NAA15: variants seen among roughly 807,000 people sequenced by gnomAD.
NAA15 encodes the protein N-terminal acetyltransferase.
In NAA15, 34 loss-of-function variants were observed where a neutral mutation model predicts 114.0. The ratio of observed to expected loss-of-function variants is 0.30; its 90% CI spans 0.23 to 0.40. The LOEUF is 0.40. Ranked by LOEUF, NAA15 falls within the 10% of genes least tolerant of loss-of-function variation. The probability of loss-of-function intolerance (pLI) is 1.00; values close to 1 mark genes in which losing one functional copy is unlikely to be tolerated. For missense variants in NAA15, 658 were observed against 1,004.5 expected (o/e 0.66, Z 4.66); for synonymous variants, 340 against 338.0 (o/e 1.01, Z -0.06).
intron 14 of NAA15, among the ~76,000 whole-genome samples, chr4:139,365,418 A>G (rs1457888699): frequency 6.6e-6 from 1 of 152,154 alleles, no homozygotes; most frequent in South Asian, 2.1e-4. Context: ...AAGTAGATTT[A>G]CATCCTTGCT....
chr4:139,387,804 T>A, intron 19 of NAA15, 80 bp from the exon 20 acceptor site: 1 of 1,049,494 alleles, frequency 9.5e-7, no homozygotes, highest in Non-Finnish European at 1.4e-6. Flanking sequence ...TAGAAATCTC[T>A]TGCTGTTGAA....
At chr4:139,344,635 C>T (rs1259926105) in intron 6 of NAA15, among the ~76,000 whole-genome samples, 3 of 151,976 alleles carry the variant, frequency 2.0e-5, no homozygotes, top group Non-Finnish European at 4.4e-5. Context: ...GATCAAAACA[C>T]AAGAGACAAT....
chr4:139,321,219 G>GT (rs1438751095), intron 1 of NAA15, among the ~76,000 whole-genome samples: 3 of 151,530 alleles, frequency 2.0e-5, no homozygotes, highest in South Asian at 2.1e-4. Context: ...ATTTGCTCTT[G>GT]TTTTTTCTAA....
At position 139,340,946 on chromosome 4, in the gene NAA15, C is replaced by A. The variant is rs1051263018; in HGVS notation, c.279C>A (p.Asp93Glu). 2 of 1,599,498 alleles carry A rather than the reference C, an allele frequency of 1.3e-6. No homozygotes were observed. Among genetic ancestry groups the A allele is most frequent in the Non-Finnish European group, 1.7e-6 (2 of 1,174,306 alleles). The change falls in exon 4 of 20, where the codon GAC (aspartate) becomes GAA (glutamate). Residue 93 changes from aspartate to glutamate, a missense_variant. Physicochemically the swap from Asp to Glu is conservative, Grantham distance 45. Transcript: ENST00000296543. Reference sequence around the variant, plus strand: ...TTTATGGCCTTCTTCAGAGGTCAGACAAGAAGTATGATGAAGCCATTAAGT... The same window carrying A: ...TTTATGGCCTTCTTCAGAGGTCAGAAAAGAAGTATGATGAAGCCATTAAGT... ...WHVYGLLQRS[D>E]KKYDEAIKCY... is the part of the protein sequence containing the mutation.
intron 3 of NAA15, 56 bp downstream of exon 3, chr4:139,337,008 C>G: frequency 8.8e-7 from 1 of 1,137,346 alleles, no homozygotes; most frequent in Non-Finnish European, 1.3e-6. Flanking sequence ...GCTAAGGCAG[C>G]AATTTGAGAG....
At chr4:139,376,685 A>G (rs1476837467) in intron 16 of NAA15, among the ~76,000 whole-genome samples, 3 of 152,266 alleles carry the variant, frequency 2.0e-5, no homozygotes, top group African/African-American at 2.4e-5. Flanking sequence ...ATAGATGTAC[A>G]TAACATAACT....
At chr4:139,348,452 CA>C (rs35328479) in intron 6 of NAA15, among the ~76,000 whole-genome samples, 30,383 of 87,958 alleles carry the variant, frequency 0.35, 3,071 homozygotes, top group African/African-American at 0.41. Flanking sequence ...GACTGTATCA[CA>C]AAAAAAAAAA....
At chr4:139,317,855 G>A (rs146847628) in intron 1 of NAA15, among the ~76,000 whole-genome samples, 105 of 152,228 alleles carry the variant, frequency 6.9e-4, no homozygotes, top group African/African-American at 2.4e-3. Context: ...ATATTTTATA[G>A]CTGTCTGTCA....
rs761049602 is a variant in NAA15, at chr4:139,389,976, T to A, written c.*1892T>A. 99 of 152,768 alleles carry A rather than the reference T, an allele frequency of 6.5e-4. No homozygotes were observed. The highest frequency in any genetic ancestry group is 9.8e-4 in the Non-Finnish European group (67 of 68,036). The allele number at this position is 152,768 out of a possible 1,614,324, so 9.5% of individuals were successfully genotyped here. The stretch of plus-strand genomic sequence containing the variant: ...AAAACAAAAACTTTTTTTCAACTCC[T>A]ATGAGTGGCAACTGAAGTTCTTATT... On this transcript the variant is annotated 3_prime_UTR_variant, in exon 20 of 20. Coordinates refer to ENST00000296543, the MANE Select transcript of NAA15 (RefSeq NM_057175.5).
At chr4:139,302,015 G>A (rs1745785206) in intron 1 of NAA15, 184 bp downstream of exon 1, 4 of 552,170 alleles carry the variant, frequency 7.2e-6, no homozygotes, top group East Asian at 6.9e-5. Context: ...CCGCGCGCCA[G>A]GGACCACAGG....
intron 5 of NAA15, among the ~76,000 whole-genome samples, chr4:139,343,614 A>G (rs536926597): frequency 6.6e-6 from 1 of 152,302 alleles, no homozygotes; most frequent in Non-Finnish European, 1.5e-5. Flanking sequence ...AGAGTTTTAT[A>G]ATTTTGGCAG....
chr4:139,382,581 A>T (rs149021195), intron 17 of NAA15, among the ~76,000 whole-genome samples: 91 of 152,286 alleles, frequency 6.0e-4, no homozygotes, highest in African/African-American at 2.2e-3. Flanking sequence ...TGTACAGAAG[A>T]TACATTCTTT....
intron 2 of NAA15, among the ~76,000 whole-genome samples, chr4:139,335,839 A>C (rs376314841): frequency 1.3e-5 from 2 of 151,088 alleles, no homozygotes; most frequent in East Asian, 3.9e-4. Flanking sequence ...GGCTCACTGC[A>C]ACCTCTGCCT....
intron 15 of NAA15, 112 bp downstream of exon 15, chr4:139,370,516 G>A: frequency 1.0e-6 from 1 of 962,462 alleles, no homozygotes; most frequent in Non-Finnish European, 1.4e-6. Context: ...AGGTTTTAGA[G>A]CCAAAAATTA....
chr4:139,307,947 A>T (rs1236802188), intron 1 of NAA15, among the ~76,000 whole-genome samples: 2 of 152,024 alleles, frequency 1.3e-5, no homozygotes, highest in Non-Finnish European at 2.9e-5. Context: ...TACATTGTAT[A>T]ATAAGTAAAT....
chr4:139,386,568 G>A (rs1281105997), intron 19 of NAA15: 1 of 172,688 alleles, frequency 5.8e-6, no homozygotes, highest in Non-Finnish European at 1.2e-5. Flanking sequence ...TTTGGTTCAT[G>A]GCCTATATTC....
At chr4:139,382,853 T>C (rs923529204) in intron 17 of NAA15, among the ~76,000 whole-genome samples, 1 of 152,218 alleles carries the variant, frequency 6.6e-6, no homozygotes, top group African/African-American at 2.4e-5. Flanking sequence ...CTAATAATTA[T>C]GTATAGAATA....
chr4:139,351,385 A>G, intron 8 of NAA15, 99 bp downstream of exon 8: 1 of 1,052,682 alleles, frequency 9.5e-7, no homozygotes, highest in South Asian at 1.4e-5. Flanking sequence ...TTTAAGCTAT[A>G]CATTGTTAGA....
chr4:139,308,212 T>C (rs565714403), intron 1 of NAA15, among the ~76,000 whole-genome samples: 27 of 152,114 alleles, frequency 1.8e-4, no homozygotes, highest in Middle Eastern at 3.2e-3. Context: ...CTGCCCGCCT[T>C]GGCCTCCCTA....
Sources: gnomAD v4.1 joint callset for allele counts (sites outside exome capture counted in the v4.1 genomes callset) on GRCh38, gnomAD v4.1.1 for gene constraint, MANE v1.5 for transcripts, NCBI Gene and HGNC (gene_info 2026-07-23, HGNC 2026-07-21) for gene names.